The following SPTA1 variants were observed in gnomAD, a reference collection of about 807,000 sequenced individuals.
The protein encoded by SPTA1 is spectrin alpha, erythrocytic 1.
SPTA1 carries 177 observed loss-of-function variants against 324.7 expected under a neutral mutation model. That is an observed-to-expected ratio of 0.55 (90% CI 0.48 to 0.62). SPTA1 has a LOEUF of 0.62. SPTA1 is among the 20% of genes least tolerant of loss of function. SPTA1 has a pLI of 0.00. For synonymous variants in SPTA1, 1,195 were observed against 1,041.3 expected, an observed-to-expected ratio of 1.15 and a Z score of -2.84; for missense variants, 3,162 against 2,883.6, an observed-to-expected ratio of 1.10 and a Z score of -2.21.
chr1:158,677,845 T>C lies in SPTA1; in HGVS notation c.813-11A>G. On this transcript the variant is annotated splice_polypyrimidine_tract_variant and intron_variant, in intron 6 of 51. Transcript: ENST00000643759. ...GCTTCAGTCACATCCCTGCAGTCAT[T>C]AACAAGAGCTCCAACCAAAGAAGAT... 1 of 1,613,324 alleles carries C rather than the reference T, an allele frequency of 6.2e-7. No individual in the cohort carries two copies. The highest frequency in any genetic ancestry group is 8.5e-7 in the Non-Finnish European group (1 of 1,179,544).
At chr1:158,660,374 C>G (rs1012040049) in intron 18 of SPTA1, among the ~76,000 whole-genome samples, 3 of 152,052 alleles carry the variant, frequency 2.0e-5, no homozygotes, top group Non-Finnish European at 4.4e-5. Context: ...GCTCATGTGG[C>G]TTTTATTAGT....
At chr1:158,626,574 A>G (rs146739399) in intron 41 of SPTA1, among the ~76,000 whole-genome samples, 38 of 152,270 alleles carry the variant, frequency 2.5e-4, no homozygotes, top group Non-Finnish European at 4.4e-4. Flanking sequence ...AAAATCTCCA[A>G]TTCTCCAAAA....
chr1:158,680,682 G>C lies in SPTA1; in HGVS notation c.579C>G (p.Thr193=). 1 of 1,613,758 alleles carries C rather than the reference G, an allele frequency of 6.2e-7. No homozygotes were observed. Among genetic ancestry groups the C allele is most frequent in the Non-Finnish European group, 8.5e-7 (1 of 1,179,860 alleles). Residue 193 remains threonine (T), a synonymous_variant, in exon 5 of 52, where the codon ACC becomes ACG. Transcript: ENST00000643759. ...SVELGEDWER[T]EVLHKKFEDF... ...CTTCAAATTTCTTATGCAGAACTTCGGTGCGCTCCCAGTCTTCACCTAGCT... is the reference window on the plus strand; with the variant it reads ...CTTCAAATTTCTTATGCAGAACTTCCGTGCGCTCCCAGTCTTCACCTAGCT...
intron 44 of SPTA1, among the ~76,000 whole-genome samples, 165 bp downstream of exon 44, chr1:158,620,005 T>A (rs1649805056): frequency 6.6e-6 from 1 of 152,234 alleles, no homozygotes; most frequent in South Asian, 2.1e-4. Context: ...GGTATACCTA[T>A]GATAAACATA....
chr1:158,637,040 C>T (rs1327529098), intron 36 of SPTA1, among the ~76,000 whole-genome samples: 1 of 152,172 alleles, frequency 6.6e-6, no homozygotes, highest in East Asian at 1.9e-4. Flanking sequence ...ACTTGTATAT[C>T]TTCTCTTTTT....
rs573202136 is a variant in SPTA1 at position 158,645,135 on chromosome 1, C to A, written c.4194+53G>T. 3.8e-6 allele frequency: 6 copies of A among 1,591,902 alleles called. No homozygotes were observed. In the Admixed American group the frequency reaches 5.0e-5, roughly 13 times the overall value. ...AGCCTGTAATGACCATATGAAATTG[C>A]ATAGGAGAAACAGACTACTGAACCT... On this transcript the variant is annotated intron_variant, in intron 29 of 51. Coordinates refer to ENST00000643759, the MANE Select transcript of SPTA1 (RefSeq NM_003126.4).
chr1:158,633,700 C>G (rs1650852952), intron 39 of SPTA1, among the ~76,000 whole-genome samples: 1 of 150,128 alleles, frequency 6.7e-6, no homozygotes, highest in Non-Finnish European at 1.5e-5. Context: ...AGAAAAAGTT[C>G]TGTTGTAAAG....
At chr1:158,626,383 T>C (rs948933771) in intron 41 of SPTA1, among the ~76,000 whole-genome samples, 161 bp from the exon 42 acceptor site, 3 of 152,184 alleles carry the variant, frequency 2.0e-5, no homozygotes, top group African/African-American at 7.2e-5. Flanking sequence ...GGATCGTTTT[T>C]CTACCTAGGC....
chr1:158,654,906 G>A (rs1256312407), intron 20 of SPTA1, among the ~76,000 whole-genome samples, 158 bp from the exon 21 acceptor site: 2 of 152,120 alleles, frequency 1.3e-5, no homozygotes, highest in Non-Finnish European at 2.9e-5. Context: ...GGTCTTCAGA[G>A]AGACTGCTCC....
At chr1:158,647,848 C>T (rs1416916730) in intron 26 of SPTA1, 128 bp from the exon 27 acceptor site, 1 of 1,006,034 alleles carries the variant, frequency 9.9e-7, no homozygotes, top group Non-Finnish European at 1.5e-6. Flanking sequence ...TGTCATCATA[C>T]TTTACAAAAT....
At chr1:158,627,519 A>C in intron 40 of SPTA1, 106 bp downstream of exon 40, 1 of 1,097,182 alleles carries the variant, frequency 9.1e-7, no homozygotes, top group South Asian at 1.2e-5. Context: ...AAAGTTCTGC[A>C]TATGATCTTA....
intron 42 of SPTA1, among the ~76,000 whole-genome samples, chr1:158,625,142 A>G (rs1402005211): frequency 1.3e-5 from 2 of 152,232 alleles, no homozygotes; most frequent in Non-Finnish European, 2.9e-5. Context: ...CAAAAGGCAC[A>G]TACAAAATAT....
chr1:158,678,788 C>T (rs1023789468), intron 5 of SPTA1, among the ~76,000 whole-genome samples: 2 of 152,044 alleles, frequency 1.3e-5, no homozygotes, highest in African/African-American at 4.8e-5. Flanking sequence ...GCACAGGTTG[C>T]CCAGCCCTGA....
intron 10 of SPTA1, among the ~76,000 whole-genome samples, chr1:158,673,053 C>A (rs1654140323): frequency 6.6e-6 from 1 of 152,064 alleles, no homozygotes; most frequent in Non-Finnish European, 1.5e-5. Flanking sequence ...ACTCGGGAGG[C>A]AGAGGCTGCA....
intron 19 of SPTA1, 23 bp downstream of exon 19, chr1:158,657,454 T>A (rs759273092): frequency 1.3e-6 from 2 of 1,597,984 alleles, no homozygotes; most frequent in Non-Finnish European, 1.7e-6. Flanking sequence ...GGATTCACAA[T>A]GTTAAACCCA....
chr1:158,611,590 G>C, intron 51 of SPTA1: 1 of 524,038 alleles, frequency 1.9e-6, no homozygotes, highest in East Asian at 3.5e-5. Flanking sequence ...GCCCTTTCTT[G>C]AAAAAGAGAG....
chr1:158,644,325 G>A lies in SPTA1; in HGVS notation c.4266C>T (p.Asp1422=). 1.2e-6 allele frequency: 2 copies of A among 1,613,878 alleles called. No homozygotes were observed. Among genetic ancestry groups the A allele is most frequent in the Non-Finnish European group, 1.7e-6 (2 of 1,179,892 alleles). Residue 1422 remains aspartate (D), a synonymous_variant, in exon 30 of 52, where the codon GAC becomes GAT. Transcript: ENST00000643759. ...CCTCCAGACTGTCTAAGGAACTTTT[G>A]TCATCTGACCTCAGGGAATTCTCAC... ...VARENSLRSD[D]KSSLDSLEAL...
Position 158,643,331 on chromosome 1 carries a change from A to G in SPTA1, c.4433T>C (p.Val1478Ala). 2 of 1,613,888 alleles carry G rather than the reference A, an allele frequency of 1.2e-6. No individual in the cohort carries two copies. The highest frequency in any genetic ancestry group is 1.7e-6 in the Non-Finnish European group (2 of 1,179,898). ...KEEIATRLQR[V>A]LDRWKALKAQ... ...ATCACTCAGGCCTGACCTGTCTAGT[A>G]CACGTTGGAGCCGCGTAGCAATCTC... is the stretch of plus-strand genomic sequence containing the variant. Residue 1478 changes from valine (V) to alanine (A), a missense_variant, in exon 31 of 52, where the codon GTA (valine) becomes GCA (alanine). Transcript: ENST00000643759.
intron 48 of SPTA1, chr1:158,614,539 A>G: frequency 2.3e-6 from 1 of 438,506 alleles, no homozygotes; most frequent in Non-Finnish European, 4.0e-6. Context: ...GACAATCAAA[A>G]GAAAATTTTT....
Sources: allele counts gnomAD v4.1 joint callset (sites outside exome capture counted in the v4.1 genomes callset), GRCh38; gene constraint gnomAD v4.1.1; transcripts MANE v1.5; gene names NCBI Gene and HGNC (gene_info 2026-07-23, HGNC 2026-07-21).